PRR12: variants seen among roughly 807,000 people sequenced by gnomAD.
PRR12 encodes proline rich 12.
In PRR12, 12 loss-of-function variants were observed where a neutral mutation model predicts 138.0. The ratio of observed to expected loss-of-function variants is 0.09; its 90% CI spans 0.06 to 0.14. PRR12 has a LOEUF of 0.14. Among genes scored for constraint, PRR12 ranks in the 10% least tolerant of loss-of-function variants. The pLI is 1.00. For missense variants in PRR12, 2,692 were observed against 2,861.3 expected, an observed-to-expected ratio of 0.94 and a Z score of 1.35; for synonymous variants, 1,567 against 1,291.7, an observed-to-expected ratio of 1.21 and a Z score of -4.57.
rs781732896 is a variant in PRR12, at chr19:49,597,310, C to T, written c.2975C>T (p.Pro992Leu). 3 of 1,556,878 alleles carry T rather than the reference C, an allele frequency of 1.9e-6. No individual in the cohort carries two copies. The highest frequency in any genetic ancestry group is 1.4e-5 in the African/African-American group (1 of 73,678). Reference sequence around the variant, plus strand: ...CCCCCTGCTTATGATCCCTATGGGCCCTACTGTCCTGGCCGGGCGTCGGGA... The same window carrying T: ...CCCCCTGCTTATGATCCCTATGGGCTCTACTGTCCTGGCCGGGCGTCGGGA... ...PGPPAYDPYG[P>L]YCPGRASGAG... Residue 992 changes from proline (P) to leucine (L), a missense_variant, in exon 4 of 14, where the codon CCC (proline) becomes CTC (leucine). Transcript: ENST00000418929. This position sits in a 1 kb window ranked among gnomAD's most constrained non-coding sequence, Gnocchi z 6.3.
Position 49,596,344 on chromosome 19 carries a change from C to T in PRR12, c.2009C>T (p.Ala670Val). Residue 670 changes from alanine to valine, a missense_variant, in exon 4 of 14, where the codon GCC (alanine) becomes GTC (valine). By Grantham distance (64) the Ala-to-Val change is moderately conservative. Transcript: ENST00000418929. This position sits in a 1 kb window ranked among gnomAD's most constrained non-coding sequence, Gnocchi z 5.6. ...GTGGGCGAGGACGGGGCAGCAGATG[C>T]CTCTAAGGGACTTGGGGGGAGTGGC... Reference protein sequence around the residue: ...GLVGEDGAADASKGLGGSGGA... With the variant: ...GLVGEDGAADVSKGLGGSGGA... 5 of 1,609,800 alleles carry T rather than the reference C, an allele frequency of 3.1e-6. No homozygotes were observed. The highest frequency in any genetic ancestry group is 3.4e-6 in the Non-Finnish European group (4 of 1,179,494).
Position 49,601,530 on chromosome 19 carries a change from C to T in PRR12, c.4385C>T (p.Pro1462Leu). The change falls in exon 6 of 14, where the codon CCT (proline) becomes CTT (leucine). Residue 1462 changes from proline to leucine, a missense_variant. Pro to Leu is a moderately conservative substitution (Grantham distance 98). This residue lies in a region of PRR12 where 231 missense variants were observed against 200.8 expected (regional missense o/e 1.15). Coordinates refer to ENST00000418929, the MANE Select transcript of PRR12 (RefSeq NM_020719.3). ...LLEEKPPPTP[P>L]PAPTPQPQPP... ...GAGGAGAAACCCCCACCCACTCCAC[C>T]TCCTGCCCCGACTCCTCAGCCTCAG... The T allele has an allele frequency of 3.9e-6, 6 of 1,539,416 alleles. No homozygotes were observed. Among genetic ancestry groups the T allele is most frequent in the Non-Finnish European group, 3.5e-6 (4 of 1,138,158 alleles).
At chr19:49,617,676 C>A (rs2080899707) in intron 9 of PRR12, among the ~76,000 whole-genome samples, 1 of 152,108 alleles carries the variant, frequency 6.6e-6, no homozygotes, top group Admixed American at 6.6e-5. Context: ...AACTGAGGCA[C>A]CAAGAGGTGA....
Position 49,591,729 on chromosome 19 carries a change from A to T in PRR12, c.75A>T (p.Ser25=), listed in dbSNP as rs547427081. Residue 25 remains serine, a synonymous_variant, in exon 1 of 14, where the codon TCA becomes TCT. Coordinates refer to ENST00000418929, the MANE Select transcript of PRR12 (RefSeq NM_020719.3). ...GGGCGGGATGGAGTTACGAGAGGTC[A>T]GCGAAAGCTAGGTAAGGAGCTGAGG... is the stretch of plus-strand genomic sequence containing the variant. ...GAGAGWSYER[S]AKASLVYGSS... is the part of the protein sequence containing the mutation. 1.1e-5 allele frequency: 17 copies of T among 1,497,210 alleles called. No individual in the cohort carries two copies. In the African/African-American group the frequency reaches 2.5e-4, roughly 22 times the overall value. 92.7% of individuals were successfully genotyped at this position (1,497,210 alleles called of 1,614,324 possible).
In PRR12 at chr19:49,595,859, G is replaced by C; in HGVS notation, c.1524G>C (p.Gly508=). The C allele has an allele frequency of 6.2e-7, 1 of 1,601,922 alleles. No homozygotes were observed. The highest frequency in any genetic ancestry group is 8.5e-7 in the Non-Finnish European group (1 of 1,178,784). ...SPDQLQGQLY[G]VQGEPYPGPA... ...ACCAGCTGCAGGGGCAGCTGTATGGGGTGCAGGGCGAGCCATACCCAGGGC... is the reference window on the plus strand; with the variant it reads ...ACCAGCTGCAGGGGCAGCTGTATGGCGTGCAGGGCGAGCCATACCCAGGGC... Residue 508 remains glycine (G), a synonymous_variant, in exon 4 of 14, where the codon GGG becomes GGC. Coordinates refer to ENST00000418929, the MANE Select transcript of PRR12 (RefSeq NM_020719.3).
rs989302561 is a variant in PRR12 at position 49,625,270 on chromosome 19, G to T, written c.5964+70G>T. 19 of 1,542,998 alleles carry T rather than the reference G, an allele frequency of 1.2e-5. No individual in the cohort carries two copies. Among genetic ancestry groups the T allele is most frequent in the Admixed American group, 3.5e-5 (2 of 57,254 alleles). ...TCTGACTTCCTCTTGGGATCTGAGGGTCCAAGCCCAGCCCCATCCTGCCTC... is the reference window on the plus strand; with the variant it reads ...TCTGACTTCCTCTTGGGATCTGAGGTTCCAAGCCCAGCCCCATCCTGCCTC... On this transcript the variant is annotated intron_variant, in intron 13 of 13. Transcript: ENST00000418929. The surrounding 1 kb of genome is among the most constrained non-coding windows in gnomAD (Gnocchi z 5.5).
In PRR12 at chr19:49,599,627, G is replaced by T; in HGVS notation, c.4034G>T (p.Gly1345Val). 6.2e-7 allele frequency: 1 copy of T among 1,604,384 alleles called. No individual in the cohort carries two copies. Among genetic ancestry groups the T allele is most frequent in the South Asian group, 1.1e-5 (1 of 90,682 alleles). Residue 1345 changes from glycine to valine, a missense_variant, in exon 5 of 14, where the codon GGC (glycine) becomes GTC (valine). By Grantham distance (109) the Gly-to-Val change is moderately radical. Coordinates refer to ENST00000418929, the MANE Select transcript of PRR12 (RefSeq NM_020719.3). This position sits in a 1 kb window ranked among gnomAD's most constrained non-coding sequence, Gnocchi z 5.0. ...CCTTCCGGAGCCTTTGGGCTTGGGG[G>T]CGCCCTGGAGGCTGCAGAGAGTGAG... ...PPPSGAFGLGGALEAAESEGL... is the reference protein window; with the variant it reads ...PPPSGAFGLGVALEAAESEGL...
Position 49,595,306 on chromosome 19 carries a change from G to T in PRR12, c.971G>T (p.Gly324Val), listed in dbSNP as rs1318372739. 1.9e-6 allele frequency: 3 copies of T among 1,545,070 alleles called. No homozygotes were observed. The highest frequency in any genetic ancestry group is 1.7e-6 in the Non-Finnish European group (2 of 1,146,146). ...LSCGGSYPSMGHRANLACSPL... is the reference protein window; with the variant it reads ...LSCGGSYPSMVHRANLACSPL... ...TGTGGAGGCAGCTACCCCTCCATGG[G>T]CCACCGGGCCAACCTGGCCTGCAGC... Residue 324 changes from glycine to valine, a missense_variant, in exon 4 of 14, where the codon GGC (glycine) becomes GTC (valine). Gly to Val is a moderately radical substitution (Grantham distance 109). Transcript: ENST00000418929.
At chr19:49,600,727 C>G (rs1329539163) in intron 5 of PRR12, among the ~76,000 whole-genome samples, 1 of 151,392 alleles carries the variant, frequency 6.6e-6, no homozygotes, top group Non-Finnish European at 1.5e-5. Context: ...CAGGGTCTCT[C>G]TATGTCACCC....
rs1160519683 is a variant in PRR12, at chr19:49,596,271, C to T, written c.1936C>T (p.Leu646Phe). The change falls in exon 4 of 14, where the codon CTC (leucine) becomes TTC (phenylalanine). Residue 646 changes from leucine to phenylalanine, a missense_variant. Physicochemically the swap from Leu to Phe is conservative, Grantham distance 22. Transcript: ENST00000418929. The surrounding 1 kb of genome is among the most constrained non-coding windows in gnomAD (Gnocchi z 5.6). ...TEDEEFLIQH[L>F]LQAPSPPRTS... Reference sequence around the variant, plus strand: ...GGATGAGGAGTTCCTTATCCAGCACCTCTTGCAGGCGCCCAGCCCTCCTCG... The same window carrying T: ...GGATGAGGAGTTCCTTATCCAGCACTTCTTGCAGGCGCCCAGCCCTCCTCG... 3 of 1,611,406 alleles carry T rather than the reference C, an allele frequency of 1.9e-6. No individual in the cohort carries two copies. Among genetic ancestry groups the T allele is most frequent in the Non-Finnish European group, 2.5e-6 (3 of 1,179,590 alleles).
intron 5 of PRR12, among the ~76,000 whole-genome samples, chr19:49,600,709 T>C (rs1044051629): frequency 2.0e-5 from 3 of 151,718 alleles, no homozygotes; most frequent in African/African-American, 4.8e-5. Flanking sequence ...TTTTTTTTTT[T>C]CTTGAGACAG....
At chr19:49,611,035 T>G (rs1299352721) in intron 6 of PRR12, among the ~76,000 whole-genome samples, 1 of 150,720 alleles carries the variant, frequency 6.6e-6, no homozygotes, top group African/African-American at 2.4e-5. Context: ...AGAGACGGGG[T>G]TTCACCATGT....
rs765016460 is a variant in PRR12, at chr19:49,616,044, A to G, written c.5322A>G (p.Gly1774=). The change falls in exon 9 of 14, where the codon GGA becomes GGG. Residue 1774 remains glycine, a synonymous_variant. Transcript: ENST00000418929. This position sits in a 1 kb window ranked among gnomAD's most constrained non-coding sequence, Gnocchi z 4.2. ...GGCCAGAGCGGAGTCTCGCCACGGG[A>G]CAACCTGCCACATCCCGGCTGCCCA... ...QTRPERSLAT[G]QPATSRLPKA... 55 of 1,559,040 alleles carry G rather than the reference A, an allele frequency of 3.5e-5. No individual in the cohort carries two copies. The highest frequency in any genetic ancestry group is 4.8e-5 in the East Asian group (2 of 41,272).
intron 8 of PRR12, 113 bp downstream of exon 8, chr19:49,615,122 CAG>C (rs2080884755): frequency 4.1e-6 from 6 of 1,448,612 alleles, no homozygotes; most frequent in Non-Finnish European, 5.6e-6. Context: ...AGAGAGGAGA[CAG>C]AGCCCAGAGA....
In PRR12 at chr19:49,614,386, A is replaced by G; in HGVS notation, c.4774-147A>G. ...TCAAGCTGTACACAGAGCTGAACAC[A>G]TCATGGGGGTAGAAGATATTTGTTG... is the stretch of plus-strand genomic sequence containing the variant. On this transcript the variant is annotated intron_variant, in intron 6 of 13. Transcript: ENST00000418929. The surrounding 1 kb of genome is among the most constrained non-coding windows in gnomAD (Gnocchi z 5.0). 3 of 598,344 alleles carry G rather than the reference A, an allele frequency of 5.0e-6. No homozygotes were observed. Among genetic ancestry groups the G allele is most frequent in the Non-Finnish European group, 8.8e-6 (3 of 342,364 alleles). The allele number at this position is 598,344 out of a possible 1,614,324, so 37.1% of individuals were successfully genotyped here.
rs1406874975 is a variant in PRR12, at chr19:49,595,564, G to A, written c.1229G>A (p.Arg410His). Residue 410 changes from arginine to histidine, a missense_variant, in exon 4 of 14, where the codon CGT becomes CAT. Physicochemically the swap from Arg to His is conservative, Grantham distance 29. Around this residue, in one of 11 missense-constraint regions of PRR12, gnomAD observed 523 missense variants for 496.4 expected, o/e 1.05. Coordinates refer to ENST00000418929, the MANE Select transcript of PRR12 (RefSeq NM_020719.3). The part of the protein sequence containing the change: ...AGGATRPPPP[R>H]STATPKCQSL... ...GGTGCCACCAGGCCCCCCCCACCCC[G>A]TTCGACCGCCACCCCCAAATGTCAG... The A allele has an allele frequency of 1.0e-5, 15 of 1,458,232 alleles. No individual in the cohort carries two copies. Among genetic ancestry groups the A allele is most frequent in the Non-Finnish European group, 1.3e-5 (14 of 1,079,844 alleles). 90.3% of individuals were successfully genotyped at this position (1,458,232 alleles called of 1,614,324 possible). A position where few individuals can be genotyped will look rare whatever the true frequency, so the allele number is the denominator to read the frequency against.
chr19:49,608,167 A>G (rs928530438), intron 6 of PRR12, among the ~76,000 whole-genome samples: 2 of 152,116 alleles, frequency 1.3e-5, no homozygotes, highest in African/African-American at 2.4e-5. Context: ...GAACACATCC[A>G]TTGGACCAGC....
chr19:49,605,161 T>A (rs1405252417), intron 6 of PRR12, among the ~76,000 whole-genome samples: 1 of 151,380 alleles, frequency 6.6e-6, no homozygotes, highest in Non-Finnish European at 1.5e-5. Flanking sequence ...TATTCTCATT[T>A]CATAGAGAAA....
chr19:49,591,810 GGCCGGGCCC>G lies in PRR12; in HGVS notation c.86+74_86+82del, dbSNP rs2080729597. ...AGCCCAGCCGGGCCGGGCCGGGCCG[GGCCGGGCCC>G]GCCCGGCGACGCGTGCATCGCAAAC... On this transcript the variant is annotated intron_variant, in intron 1 of 13. Transcript: ENST00000418929. 3 of 973,484 alleles carry G rather than the reference GGCCGGGCCC, an allele frequency of 3.1e-6. No individual in the cohort carries two copies. In the South Asian group the frequency reaches 9.8e-5, roughly 32 times the overall value. 60.3% of individuals were successfully genotyped at this position (973,484 alleles called of 1,614,324 possible). A position where few individuals can be genotyped will look rare whatever the true frequency, so the allele number is the denominator to read the frequency against.
Sources: allele counts gnomAD v4.1 joint callset (sites outside exome capture counted in the v4.1 genomes callset), GRCh38; gene constraint gnomAD v4.1.1; regional missense constraint gnomAD v4.1.1; non-coding constraint Gnocchi (gnomAD v3.1); transcripts MANE v1.5; gene names NCBI Gene and HGNC (gene_info 2026-07-23, HGNC 2026-07-21).